The following RAD51AP2 variants were observed in gnomAD, a reference collection of about 807,000 sequenced individuals.
RAD51AP2 encodes the protein RAD51 associated protein 2, also known as RAD51-associated protein 2.
A neutral mutation model predicts 85.5 loss-of-function variants in RAD51AP2; 67 were observed. The ratio of observed to expected loss-of-function variants is 0.78; its 90% CI spans 0.64 to 0.96. The LOEUF (loss-of-function observed/expected upper bound fraction) is 0.96, where lower values mean the gene tolerates loss of function less well. Among genes scored for constraint, RAD51AP2 ranks in the 40% least tolerant of loss-of-function variants. The pLI, the probability that RAD51AP2 is intolerant of heterozygous loss-of-function variation, is 0.00. For synonymous variants in RAD51AP2, 474 were observed against 446.5 expected (o/e 1.06, Z -0.78); for missense variants, 1,307 against 1,332.4 (o/e 0.98, Z 0.30).
chr2:17,522,958 T>A (rs1662888309), upstream of RAD51AP2, among the ~76,000 whole-genome samples: 9 of 152,082 alleles, frequency 5.9e-5, no homozygotes, highest in South Asian at 1.9e-3. Context: ...GAACATAATT[T>A]AATTTTATAT....
chr2:17,516,871 A>G lies in RAD51AP2; in HGVS notation c.1545T>C (p.Tyr515=). ...PFESFIIEIF[Y]FHKSISGNKK... ...TATTTCCTGAAATACTTTTATGGAA[A>G]TAAAAAATTTCTATAATGAAACTTT... Residue 515 remains tyrosine (Y), a synonymous_variant, in exon 1 of 3, where the codon TAT becomes TAC. Coordinates refer to ENST00000399080, the MANE Select transcript of RAD51AP2 (RefSeq NM_001099218.3). The G allele has an allele frequency of 6.4e-7, 1 of 1,561,386 alleles. No individual in the cohort carries two copies. Among genetic ancestry groups the G allele is most frequent in the South Asian group, 1.2e-5 (1 of 83,300 alleles).
At chr2:17,526,873 G>A in the RAD51AP2 span, among the ~76,000 whole-genome samples, 1 of 152,158 alleles carries the variant, frequency 6.6e-6, no homozygotes, top group African/African-American at 2.4e-5. Flanking sequence ...CAGAGGTTCA[G>A]TAGAATTACA....
At chr2:17,535,551 A>T in the RAD51AP2 span, among the ~76,000 whole-genome samples, 1 of 152,218 alleles carries the variant, frequency 6.6e-6, no homozygotes, top group Non-Finnish European at 1.5e-5. Context: ...ATGAATTTGC[A>T]AGACATTCAG....
At chr2:17,519,572 A>G (rs1662812214), upstream of RAD51AP2, among the ~76,000 whole-genome samples, 1 of 152,186 alleles carries the variant, frequency 6.6e-6, no homozygotes, top group African/African-American at 2.4e-5. Flanking sequence ...CTAGCCTTCT[A>G]CTTTAGGTAA....
chr2:17,519,010 G>A (rs539891754), upstream of RAD51AP2, among the ~76,000 whole-genome samples: 1 of 151,812 alleles, frequency 6.6e-6, no homozygotes, highest in African/African-American at 2.4e-5. Flanking sequence ...TGTGTTTGGG[G>A]GAAAAAAGCC....
rs368638717 is a variant in RAD51AP2 at position 17,516,964 on chromosome 2, T to C, written c.1452A>G (p.Glu484=). The C allele has an allele frequency of 7.4e-5, 118 of 1,597,994 alleles. No homozygotes were observed. Among genetic ancestry groups the C allele is most frequent in the Non-Finnish European group, 9.4e-5 (111 of 1,175,544 alleles). Residue 484 remains glutamate (E), a synonymous_variant, in exon 1 of 3, where the codon GAA becomes GAG. Coordinates refer to ENST00000399080, the MANE Select transcript of RAD51AP2 (RefSeq NM_001099218.3). ...ITTVWLNGKG[E]NDNTLQLRYN... is the part of the protein sequence containing the mutation. ...ATCTCAACTGTAGAGTATTATCATT[T>C]TCTCCTTTACCATTTAGCCAAACAG...
rs373157321 is a variant in RAD51AP2, at chr2:17,518,325, G to A, written c.91C>T (p.Pro31Ser). Residue 31 changes from proline to serine, a missense_variant, in exon 1 of 3, where the codon CCT (proline) becomes TCT (serine). Physicochemically the swap from Pro to Ser is moderately conservative, Grantham distance 74. Coordinates refer to ENST00000399080, the MANE Select transcript of RAD51AP2 (RefSeq NM_001099218.3). ...TPPEDPDSQPPSSKRLCLEEP... is the reference protein window; with the variant it reads ...TPPEDPDSQPSSSKRLCLEEP... ...TCAAGACAGAGCCGCTTGCTACTAG[G>A]TGGTTGGGAATCCGGGTCCTCAGGA... The A allele has an allele frequency of 1.2e-6, 2 of 1,614,026 alleles. No homozygotes were observed. The highest frequency in any genetic ancestry group is 1.7e-5 in the Admixed American group (1 of 60,010).
chr2:17,517,202 C>A lies in RAD51AP2; in HGVS notation c.1214G>T (p.Arg405Ile). Reference sequence around the variant, plus strand: ...TATAATCCAACAATTTCCTCTATTTCTTCTCAAAATATGTCTAACGTTACA... The same window carrying A: ...TATAATCCAACAATTTCCTCTATTTATTCTCAAAATATGTCTAACGTTACA... ...WDCNVRHILR[R>I]NRGNCWIINN... is the part of the protein sequence containing the mutation. Residue 405 changes from arginine to isoleucine, a missense_variant, in exon 1 of 3, where the codon AGA becomes ATA. Physicochemically the swap from Arg to Ile is moderately conservative, Grantham distance 97. This residue lies in a region of RAD51AP2 where 635 missense variants were observed against 643.6 expected (regional missense o/e 0.99). Transcript: ENST00000399080. The A allele has an allele frequency of 6.2e-7, 1 of 1,612,874 alleles. No homozygotes were observed.
At chr2:17,514,536 C>G (rs75497408) in intron 1 of RAD51AP2, among the ~76,000 whole-genome samples, 4,472 of 149,600 alleles carry the variant, frequency 0.03, 69 homozygotes, top group Middle Eastern at 0.055. Context: ...CCGAGGGCGG[C>G]GGGGGGGGTG....
chr2:17,511,565 AGGGTTTTTTAAATAAACTGTGG>A (rs145795562), intron 2 of RAD51AP2, among the ~76,000 whole-genome samples: 2,668 of 152,302 alleles, frequency 0.018, 76 homozygotes, highest in African/African-American at 0.062. Flanking sequence ...TCTAACTTTC[AGGGTTTTTTAAATAAACTGTGG>A]GGTACATATG....
chr2:17,519,288 A>G (rs1662803330), upstream of RAD51AP2, among the ~76,000 whole-genome samples: 1 of 144,652 alleles, frequency 6.9e-6, no homozygotes, highest in African/African-American at 2.4e-5. Flanking sequence ...CTGCTTTGAG[A>G]ATCATTTATG....
chr2:17,513,473 G>A lies in RAD51AP2; in HGVS notation c.3328+539C>T, dbSNP rs575872839. Among the ~76,000 whole-genome samples, 305 of 152,132 alleles carry A rather than the reference G, an allele frequency of 2.0e-3. 5 individuals carry two copies. The South Asian group carries it at 0.062, about 31-fold the overall frequency. On this transcript the variant is annotated intron_variant, in intron 2 of 2. Coordinates refer to ENST00000399080, the MANE Select transcript of RAD51AP2 (RefSeq NM_001099218.3). ...AGGATGGTCTTGATCTCCTGACCTCGTGATCCGCCCACCTCAGCCTCCCAA... is the reference window on the plus strand; with the variant it reads ...AGGATGGTCTTGATCTCCTGACCTCATGATCCGCCCACCTCAGCCTCCCAA...
chr2:17,528,297 G>A, the RAD51AP2 span, among the ~76,000 whole-genome samples: 3 of 152,110 alleles, frequency 2.0e-5, no homozygotes, highest in Non-Finnish European at 4.4e-5. Flanking sequence ...AATATGGTAA[G>A]TGTTTATTTT....
chr2:17,517,590 T>A lies in RAD51AP2; in HGVS notation c.826A>T (p.Lys276Ter), dbSNP rs778579251. The A allele has an allele frequency of 6.2e-7, 1 of 1,613,940 alleles. No homozygotes were observed. Residue 276 changes from lysine to a stop codon, truncating the protein, a stop_gained, in exon 1 of 3, where the codon AAG becomes TAG. Transcript: ENST00000399080. LOFTEE classifies it high-confidence loss of function. ...LNSKMSSVYLKEIAKKKNDKK... is the reference protein window; with the variant it reads ...LNSKMSSVYL ...TCATTCTTTTTCTTCGCTATTTCCT[T>A]TAAATAGACAGAGGACATTTTGCTA...
intron 2 of RAD51AP2, among the ~76,000 whole-genome samples, chr2:17,511,945 T>C (rs1369984408): frequency 6.6e-6 from 1 of 152,200 alleles, no homozygotes; most frequent in African/African-American, 2.4e-5. Context: ...CTAGATCTTT[T>C]AAAAACTTTG....
At chr2:17,527,119 G>A in the RAD51AP2 span, among the ~76,000 whole-genome samples, 5 of 152,062 alleles carry the variant, frequency 3.3e-5, no homozygotes, top group South Asian at 2.1e-4. Context: ...TCCGCACCCC[G>A]AAAATTATCA....
At position 17,516,091 on chromosome 2, in the gene RAD51AP2, A is replaced by G. The variant is rs1464652030; in HGVS notation, c.2325T>C (p.Ser775=). ...CAAATATGTGCTCACAGTCAAAGTT[A>G]CTGATCTTATTATGTCCCTGTTTTC... ...MERKQGHNKI[S]NFDCEHIFED... is the part of the protein sequence containing the mutation. The change falls in exon 1 of 3, where the codon AGT becomes AGC. Residue 775 remains serine (S), a synonymous_variant. Coordinates refer to ENST00000399080, the MANE Select transcript of RAD51AP2 (RefSeq NM_001099218.3). 1.2e-6 allele frequency: 2 copies of G among 1,612,756 alleles called. No individual in the cohort carries two copies. The highest frequency in any genetic ancestry group is 1.3e-5 in the African/African-American group (1 of 74,812).
chr2:17,516,981 G>A lies in RAD51AP2; in HGVS notation c.1435C>T (p.Leu479=). 6.3e-7 allele frequency: 1 copy of A among 1,596,682 alleles called. No homozygotes were observed. The highest frequency in any genetic ancestry group is 1.2e-5 in the South Asian group (1 of 86,496). Residue 479 remains leucine (L), a synonymous_variant, in exon 1 of 3, where the codon CTA becomes TTA. Transcript: ENST00000399080. The part of the protein sequence containing the change: ...SQTALITTVW[L]NGKGENDNTL... ...TTATCATTTTCTCCTTTACCATTTAGCCAAACAGTCGTTATTAAAGCTGTC... is the reference window on the plus strand; with the variant it reads ...TTATCATTTTCTCCTTTACCATTTAACCAAACAGTCGTTATTAAAGCTGTC...
chr2:17,536,861 T>C, the RAD51AP2 span, among the ~76,000 whole-genome samples: 1 of 152,174 alleles, frequency 6.6e-6, no homozygotes, highest in South Asian at 2.1e-4. Context: ...TTTTTTTCAG[T>C]ATTTTAGAAA....
Sources: gnomAD v4.1 joint callset for allele counts (sites outside exome capture counted in the v4.1 genomes callset) on GRCh38, gnomAD v4.1.1 for gene constraint, gnomAD v4.1.1 regional missense constraint, MANE v1.5 for transcripts, NCBI Gene and HGNC (gene_info 2026-07-23, HGNC 2026-07-21) for gene names.